The following ITPK1 variants were observed in gnomAD, a reference collection of about 807,000 sequenced individuals.
ITPK1 encodes the protein inositol 1,3,4-trisphosphate 5/6-kinase.
Under a neutral mutation model 45.3 loss-of-function variants are expected in ITPK1, and 21 were observed. That is an observed-to-expected ratio of 0.46 (90% confidence interval 0.33 to 0.67). The LOEUF (loss-of-function observed/expected upper bound fraction) is 0.67, where lower values mean the gene tolerates loss of function less well. Ranked by LOEUF, ITPK1 falls within the 30% of genes least tolerant of loss-of-function variation. The probability of loss-of-function intolerance (pLI) is 0.02; values close to 1 mark genes in which losing one functional copy is unlikely to be tolerated. For synonymous variants in ITPK1, 258 were observed against 253.6 expected, an observed-to-expected ratio of 1.02 and a Z score of -0.16; for missense variants, 474 against 573.5, an observed-to-expected ratio of 0.83 and a Z score of 1.77.
intron 2 of ITPK1, among the ~76,000 whole-genome samples, chr14:93,095,873 T>C (rs1032123317): frequency 1.3e-5 from 2 of 152,148 alleles, no homozygotes; most frequent in African/African-American, 4.8e-5. Context: ...CTGCGTTAAT[T>C]TGCTTAGGAT....
At chr14:92,978,814 G>A (rs997078327) in intron 5 of ITPK1, among the ~76,000 whole-genome samples, 5 of 152,198 alleles carry the variant, frequency 3.3e-5, no homozygotes, top group Non-Finnish European at 5.9e-5. Flanking sequence ...CTGCTGCAAG[G>A]GTGGAGCCCT....
chr14:93,018,024 C>A (rs1888273808), intron 3 of ITPK1, among the ~76,000 whole-genome samples: 1 of 152,158 alleles, frequency 6.6e-6, no homozygotes, highest in Non-Finnish European at 1.5e-5. Context: ...CTCCATTCCC[C>A]GCTGCCTGCC....
At chr14:92,985,721 C>T (rs1008236147) in intron 5 of ITPK1, among the ~76,000 whole-genome samples, 39 of 151,954 alleles carry the variant, frequency 2.6e-4, no homozygotes, top group African/African-American at 9.2e-4. Context: ...ACCATCAGGG[C>T]GCCAGGGGCT....
chr14:93,006,355 A>T (rs1253484193), intron 4 of ITPK1, among the ~76,000 whole-genome samples: 1 of 152,230 alleles, frequency 6.6e-6, no homozygotes, highest in Non-Finnish European at 1.5e-5. Flanking sequence ...ATTCAAAGCA[A>T]CCAGGCTCCA....
intron 3 of ITPK1, among the ~76,000 whole-genome samples, chr14:93,064,530 G>A (rs2139958506): frequency 6.6e-6 from 1 of 152,246 alleles, no homozygotes; most frequent in African/African-American, 2.4e-5. Context: ...CCGGAACCCT[G>A]GGAGCCACCC....
intron 8 of ITPK1, 90 bp from the exon 9 acceptor site, chr14:92,952,103 AG>A: frequency 9.5e-7 from 1 of 1,049,826 alleles, no homozygotes; most frequent in Non-Finnish European, 1.4e-6. Flanking sequence ...GCATCACCCC[AG>A]GCACACAACA....
In ITPK1 at chr14:93,016,491, C is replaced by T. The variant is rs150290327; in HGVS notation, c.246+185G>A. ...CCTGGTTCAGTCCCCACGCTACACC[C>T]GAGGACACTGACGCCGCACAGAAGT... On this transcript the variant is annotated intron_variant, in intron 4 of 10. Coordinates refer to ENST00000267615, the MANE Select transcript of ITPK1 (RefSeq NM_014216.6). This position sits in a 1 kb window ranked among gnomAD's most constrained non-coding sequence, Gnocchi z 5.0. Among the ~76,000 whole-genome samples, 10 of 152,160 alleles carry T rather than the reference C, an allele frequency of 6.6e-5. No individual in the cohort carries two copies. The highest frequency in any genetic ancestry group is 1.7e-4 in the African/African-American group (7 of 41,420).
At chr14:93,114,131 T>A (rs1566793307) in intron 2 of ITPK1, among the ~76,000 whole-genome samples, 1 of 152,280 alleles carries the variant, frequency 6.6e-6, no homozygotes, top group African/African-American at 2.4e-5. Flanking sequence ...ACCTGGAGTT[T>A]GCAAAAGGCT....
intron 4 of ITPK1, among the ~76,000 whole-genome samples, chr14:93,006,195 T>C (rs951043629): frequency 2.0e-5 from 3 of 152,156 alleles, no homozygotes; most frequent in African/African-American, 4.8e-5. Flanking sequence ...TCACAGTCCA[T>C]GTGCAAGCTG....
At chr14:93,110,143 T>C (rs1892688034) in intron 2 of ITPK1, among the ~76,000 whole-genome samples, 1 of 152,158 alleles carries the variant, frequency 6.6e-6, no homozygotes. Context: ...GAGTCAGGCC[T>C]GAAACTGAGG....
chr14:93,072,824 A>G (rs1271104108), intron 3 of ITPK1, among the ~76,000 whole-genome samples: 2 of 152,212 alleles, frequency 1.3e-5, no homozygotes, highest in African/African-American at 4.8e-5. Flanking sequence ...CATGTTGCCC[A>G]GGCAGATCTC....
intron 2 of ITPK1, among the ~76,000 whole-genome samples, chr14:93,100,726 C>G (rs1201578086): frequency 6.6e-6 from 1 of 152,180 alleles, no homozygotes; most frequent in East Asian, 1.9e-4. Flanking sequence ...AACCCATCCA[C>G]CCCTGTGGCT....
chr14:93,067,527 T>C (rs1890809606), intron 3 of ITPK1: 1 of 152,078 alleles, frequency 6.6e-6, no homozygotes. Flanking sequence ...TGCACAAGAC[T>C]GCAACACGGT....
chr14:93,110,715 C>G (rs1892715054), intron 2 of ITPK1, among the ~76,000 whole-genome samples: 1 of 152,192 alleles, frequency 6.6e-6, no homozygotes, highest in Non-Finnish European at 1.5e-5. Flanking sequence ...AAAAGGGTCC[C>G]TGGTGGGATA....
At position 92,939,752 on chromosome 14, in the gene ITPK1, CT is replaced by C; in HGVS notation, c.*1808del. On this transcript the variant is annotated 3_prime_UTR_variant, in exon 11 of 11. Coordinates refer to ENST00000267615, the MANE Select transcript of ITPK1 (RefSeq NM_014216.6). ...CACCCCCACCCGTACCTGAGGCAGA[CT>C]GGGATTGAAATTTTATTTTTAAAAG... The C allele has an allele frequency of 1.0e-6, 1 of 985,594 alleles. No homozygotes were observed. The highest frequency in any genetic ancestry group is 1.2e-6 in the Non-Finnish European group (1 of 829,960). 61.1% of individuals were successfully genotyped at this position (985,594 alleles called of 1,614,324 possible).
At chr14:92,995,415 G>C (rs1887001287) in intron 4 of ITPK1, among the ~76,000 whole-genome samples, 1 of 152,142 alleles carries the variant, frequency 6.6e-6, no homozygotes, top group Admixed American at 6.5e-5. Flanking sequence ...ACTTATTTTG[G>C]TCCTAGTGAC....
intron 2 of ITPK1, among the ~76,000 whole-genome samples, chr14:93,080,796 G>C (rs1448391400): frequency 6.6e-6 from 1 of 152,092 alleles, no homozygotes; most frequent in Non-Finnish European, 1.5e-5. Flanking sequence ...GAGTACAGTG[G>C]CATGATCTCA....
At chr14:92,952,588 G>C (rs769210167) in intron 8 of ITPK1, among the ~76,000 whole-genome samples, 2 of 152,202 alleles carry the variant, frequency 1.3e-5, no homozygotes, top group Non-Finnish European at 2.9e-5. Context: ...ATCCGTCCAA[G>C]AAAGCACACA....
intron 3 of ITPK1, among the ~76,000 whole-genome samples, chr14:93,038,963 C>A: frequency 6.6e-6 from 1 of 152,234 alleles, no homozygotes; most frequent in East Asian, 1.9e-4. Flanking sequence ...AATACCGTTC[C>A]TAAAACCTGT....
Sources: gnomAD v4.1 joint callset for allele counts (sites outside exome capture counted in the v4.1 genomes callset) on GRCh38, gnomAD v4.1.1 for gene constraint, Gnocchi (gnomAD v3.1) non-coding constraint, MANE v1.5 for transcripts, NCBI Gene and HGNC (gene_info 2026-07-23, HGNC 2026-07-21) for gene names.